OSBP2: variants seen among roughly 807,000 people sequenced by gnomAD.
OSBP2 encodes oxysterol-binding protein 2.
OSBP2 carries 66 observed loss-of-function variants against 96.0 expected under a neutral mutation model. The ratio of observed to expected loss-of-function variants is 0.69; its 90% confidence interval spans 0.56 to 0.84. OSBP2 has a LOEUF of 0.84. OSBP2 is among the 40% of genes least tolerant of loss of function. The pLI is 0.00. For missense variants in OSBP2, 1,038 were observed against 1,222.7 expected (o/e 0.85, Z 2.25); for synonymous variants, 525 against 520.9 (o/e 1.01, Z -0.11).
At chr22:30,876,570 C>T (rs902720448) in intron 3 of OSBP2, among the ~76,000 whole-genome samples, 4 of 152,236 alleles carry the variant, frequency 2.6e-5, no homozygotes, top group African/African-American at 7.2e-5. Flanking sequence ...TCTCCCGACC[C>T]GTTCCCCACA....
At position 30,906,213 on chromosome 22, in the gene OSBP2, C is replaced by T. The variant is rs776765595; in HGVS notation, c.2625C>T (p.Ala875=). ...GCCCAGCAGAGAAGGAGGCGGATGCCTACACGCCACTGTGGTTTGAGAAGA... is the reference window on the plus strand; with the variant it reads ...GCCCAGCAGAGAAGGAGGCGGATGCTTACACGCCACTGTGGTTTGAGAAGA... ...CSSEEEKEAD[A]YTPLWFEKRL... is the part of the protein sequence containing the mutation. Residue 875 remains alanine, a synonymous_variant, in exon 14 of 14, where the codon GCC becomes GCT. Transcript: ENST00000332585. The T allele has an allele frequency of 1.6e-5, 26 of 1,614,046 alleles. No homozygotes were observed. The highest frequency in any genetic ancestry group is 2.2e-5 in the East Asian group (1 of 44,898).
chr22:30,821,372 G>T (rs1157196973), intron 2 of OSBP2, among the ~76,000 whole-genome samples: 1 of 152,204 alleles, frequency 6.6e-6, no homozygotes, highest in Non-Finnish European at 1.5e-5. Flanking sequence ...GGCGTAGCAG[G>T]CCCCAGAAAC....
chr22:30,860,162 A>T (rs1294511945), intron 2 of OSBP2, among the ~76,000 whole-genome samples: 5 of 151,640 alleles, frequency 3.3e-5, no homozygotes, highest in East Asian at 1.9e-4. Context: ...TTAAAAAAAT[A>T]AAAAAAAATA....
At chr22:30,845,565 C>T (rs929858534) in intron 2 of OSBP2, among the ~76,000 whole-genome samples, 2 of 150,582 alleles carry the variant, frequency 1.3e-5, no homozygotes, top group Non-Finnish European at 3.0e-5. Context: ...TACTGACCTT[C>T]AATTTGTTTA....
intron 2 of OSBP2, among the ~76,000 whole-genome samples, chr22:30,800,922 C>G (rs540582430): frequency 5.9e-5 from 9 of 152,194 alleles, no homozygotes; most frequent in African/African-American, 2.2e-4. Context: ...CTGTCTGTCT[C>G]TGTGTGAGTG....
Position 30,695,016 on chromosome 22 carries a change from C to A in OSBP2, c.107C>A (p.Ala36Glu). Residue 36 changes from alanine to glutamate, a missense_variant, in exon 1 of 14, where the codon GCG (alanine) becomes GAG (glutamate). By Grantham distance (107) the Ala-to-Glu change is moderately radical. Transcript: ENST00000332585. ...CCCTGCCTGTCGTGCCACACGGCGGCGCCGGGCATGAGCGCTTCCACGTCC... is the reference window on the plus strand; with the variant it reads ...CCCTGCCTGTCGTGCCACACGGCGGAGCCGGGCATGAGCGCTTCCACGTCC... Reference protein sequence around the residue: ...VVPCLSCHTAAPGMSASTSGS... With the variant: ...VVPCLSCHTAEPGMSASTSGS... 1 of 1,581,452 alleles carries A rather than the reference C, an allele frequency of 6.3e-7. No individual in the cohort carries two copies. The highest frequency in any genetic ancestry group is 8.6e-7 in the Non-Finnish European group (1 of 1,166,698).
chr22:30,807,384 C>A (rs892417222), intron 2 of OSBP2, among the ~76,000 whole-genome samples: 2 of 152,234 alleles, frequency 1.3e-5, no homozygotes. Context: ...AAATGCCCTT[C>A]AGCCAGGGTG....
At chr22:30,723,587 T>C (rs2089590726) in intron 1 of OSBP2, among the ~76,000 whole-genome samples, 1 of 151,974 alleles carries the variant, frequency 6.6e-6, no homozygotes, top group Admixed American at 6.6e-5. Flanking sequence ...ATAATTTTTG[T>C]ATTTTTAGTA....
intron 1 of OSBP2, among the ~76,000 whole-genome samples, chr22:30,701,510 A>AT (rs1276179552): frequency 1.5e-4 from 22 of 151,650 alleles, no homozygotes; most frequent in East Asian, 5.9e-4. Context: ...CACCCGGCTT[A>AT]TTTTTTGTAT....
chr22:30,821,678 C>T (rs1426533274), intron 2 of OSBP2, among the ~76,000 whole-genome samples: 1 of 151,856 alleles, frequency 6.6e-6, no homozygotes, highest in Non-Finnish European at 1.5e-5. Flanking sequence ...CTGGCGGAGG[C>T]GGTGGGCGCT....
At chr22:30,729,574 A>C (rs940664558) in intron 1 of OSBP2, among the ~76,000 whole-genome samples, 1 of 152,088 alleles carries the variant, frequency 6.6e-6, no homozygotes, top group Admixed American at 6.5e-5. Flanking sequence ...GGAGGCAGAG[A>C]TTGCTGTGAG....
At chr22:30,728,335 C>G (rs1359277721) in intron 1 of OSBP2, among the ~76,000 whole-genome samples, 1 of 148,200 alleles carries the variant, frequency 6.7e-6, no homozygotes, top group African/African-American at 2.5e-5. Context: ...GTGGAGCTTG[C>G]AGTGAGCCAA....
intron 1 of OSBP2, among the ~76,000 whole-genome samples, chr22:30,706,176 T>A (rs1410619364): frequency 1.3e-5 from 2 of 152,190 alleles, no homozygotes; most frequent in African/African-American, 4.8e-5. Flanking sequence ...GGCAGCTTGG[T>A]GTGTGGTGAA....
chr22:30,805,005 GATCT>G (rs532412674), intron 2 of OSBP2, among the ~76,000 whole-genome samples: 4 of 152,160 alleles, frequency 2.6e-5, no homozygotes, highest in Non-Finnish European at 4.4e-5. Context: ...GGTTGAGATT[GATCT>G]ATCTATCTAT....
At chr22:30,699,926 A>T (rs1173482042) in intron 1 of OSBP2, among the ~76,000 whole-genome samples, 1 of 151,926 alleles carries the variant, frequency 6.6e-6, no homozygotes, top group African/African-American at 2.4e-5. Flanking sequence ...CTTTCTGACA[A>T]TGTGCTTGGA....
At chr22:30,730,790 AT>A (rs1569100511) in intron 1 of OSBP2, among the ~76,000 whole-genome samples, 1 of 48,282 alleles carries the variant, frequency 2.1e-5, no homozygotes, top group African/African-American at 1.1e-4. Flanking sequence ...ATATATATAT[AT>A]ATATATATAT....
At chr22:30,905,149 T>TC (rs1361182588) in intron 12 of OSBP2, among the ~76,000 whole-genome samples, 1 of 142,122 alleles carries the variant, frequency 7.0e-6, no homozygotes, top group African/African-American at 2.6e-5. Flanking sequence ...TTTTTTTTTT[T>TC]TTTTTTTTTT....
At chr22:30,702,047 T>A (rs1193717021) in intron 1 of OSBP2, among the ~76,000 whole-genome samples, 1 of 152,156 alleles carries the variant, frequency 6.6e-6, no homozygotes, top group Non-Finnish European at 1.5e-5. Flanking sequence ...CTCCCCCTCC[T>A]AACTCCTCTT....
chr22:30,877,092 G>A (rs1403559980), intron 3 of OSBP2, among the ~76,000 whole-genome samples: 3 of 151,882 alleles, frequency 2.0e-5, no homozygotes, highest in African/African-American at 7.3e-5. Context: ...CACAATCCCC[G>A]TAGCCCTGTA....
Sources: allele counts gnomAD v4.1 joint callset (sites outside exome capture counted in the v4.1 genomes callset), GRCh38; gene constraint gnomAD v4.1.1; transcripts MANE v1.5; gene names NCBI Gene and HGNC (gene_info 2026-07-23, HGNC 2026-07-21).